The following TTC39B variants were observed in gnomAD, a reference collection of about 807,000 sequenced individuals.
TTC39B encodes tetratricopeptide repeat protein 39B.
TTC39B carries 92 observed loss-of-function variants against 96.6 expected under a neutral mutation model. The ratio of observed to expected loss-of-function variants is 0.95; its 90% confidence interval spans 0.80 to 1.13. The LOEUF is 1.13. Among genes scored for constraint, TTC39B ranks in the 50% most tolerant of loss-of-function variants. TTC39B has a pLI of 0.00. For synonymous variants in TTC39B, 367 were observed against 299.4 expected, an observed-to-expected ratio of 1.23 and a Z score of -2.33; for missense variants, 955 against 809.3, an observed-to-expected ratio of 1.18 and a Z score of -2.18.
intron 14 of TTC39B, among the ~76,000 whole-genome samples, chr9:15,187,531 C>T (rs1443619936): frequency 6.6e-6 from 1 of 151,574 alleles, no homozygotes; most frequent in Non-Finnish European, 1.5e-5. Flanking sequence ...GTGATCATAG[C>T]TCACTGTAGC....
chr9:15,188,220 A>C (rs1371699439), intron 13 of TTC39B, 88 bp from the exon 14 acceptor site: 5 of 1,335,720 alleles, frequency 3.7e-6, no homozygotes, highest in Non-Finnish European at 5.1e-6. Context: ...CACTTAGTAC[A>C]AAAAGGACAA....
chr9:15,170,856 G>A (rs953920035), exon 20 of TTC39B: 1 of 152,188 alleles, frequency 6.6e-6, no homozygotes, highest in Non-Finnish European at 1.5e-5. Context: ...GTTTGCATTC[G>A]ACATTTTAAA....
chr9:15,173,980 T>C (rs1817795072), intron 19 of TTC39B, among the ~76,000 whole-genome samples: 1 of 152,172 alleles, frequency 6.6e-6, no homozygotes, highest in African/African-American at 2.4e-5. Context: ...TCACTAACTG[T>C]GACTTCTGTC....
intron 1 of TTC39B, among the ~76,000 whole-genome samples, chr9:15,269,585 G>A (rs981886565): frequency 6.6e-6 from 1 of 152,200 alleles, no homozygotes; most frequent in Non-Finnish European, 1.5e-5. Context: ...CAGGCGCAGT[G>A]GCTCATGCCT....
At chr9:15,288,702 C>A (rs1444781589) in intron 1 of TTC39B, among the ~76,000 whole-genome samples, 1 of 152,358 alleles carries the variant, frequency 6.6e-6, no homozygotes, top group African/African-American at 2.4e-5. Context: ...AAGCCATCCA[C>A]GGATGGCAAG....
intron 17 of TTC39B, among the ~76,000 whole-genome samples, chr9:15,181,268 A>G (rs202230882): frequency 1.3e-5 from 2 of 152,188 alleles, no homozygotes; most frequent in East Asian, 3.8e-4. Context: ...TACCATGTTT[A>G]GCATCACAGA....
chr9:15,232,296 C>G (rs778077067), intron 2 of TTC39B: 2 of 152,604 alleles, frequency 1.3e-5, no homozygotes, highest in Non-Finnish European at 1.5e-5. Flanking sequence ...GCCTTAGAAG[C>G]GAACCCAAAA....
At chr9:15,221,447 G>T (rs79350955) in intron 3 of TTC39B, among the ~76,000 whole-genome samples, 7,777 of 152,156 alleles carry the variant, frequency 0.051, 240 homozygotes, top group South Asian at 0.07. Context: ...TTGCTCCCAT[G>T]TTCTTTCGAC....
intron 1 of TTC39B, among the ~76,000 whole-genome samples, chr9:15,292,841 G>A (rs1824238076): frequency 6.6e-6 from 1 of 152,204 alleles, no homozygotes; most frequent in Admixed American, 6.5e-5. Context: ...TATTGTAAAA[G>A]TGCCAAAAAG....
intron 1 of TTC39B, among the ~76,000 whole-genome samples, chr9:15,294,931 T>C (rs1824317549): frequency 6.6e-6 from 1 of 152,160 alleles, no homozygotes; most frequent in Non-Finnish European, 1.5e-5. Flanking sequence ...ATGGAATAGA[T>C]AGATTGAGTT....
At chr9:15,260,089 A>T (rs193201836) in intron 2 of TTC39B, among the ~76,000 whole-genome samples, 1 of 152,290 alleles carries the variant, frequency 6.6e-6, no homozygotes, top group Admixed American at 6.5e-5. Flanking sequence ...TATATGAGAT[A>T]TAAATTAATA....
chr9:15,253,614 G>A (rs948424928), intron 2 of TTC39B, among the ~76,000 whole-genome samples: 8 of 152,168 alleles, frequency 5.3e-5, no homozygotes, highest in Non-Finnish European at 1.2e-4. Context: ...GCAGCCTGAC[G>A]GACCTGTATT....
intron 17 of TTC39B, among the ~76,000 whole-genome samples, chr9:15,181,515 T>C (rs916586433): frequency 3.3e-5 from 5 of 152,204 alleles, no homozygotes; most frequent in Non-Finnish European, 7.3e-5. Flanking sequence ...CAGAGTCTGA[T>C]GGCAGAGCTG....
At chr9:15,258,110 G>A (rs1822821498) in intron 2 of TTC39B, among the ~76,000 whole-genome samples, 4 of 152,068 alleles carry the variant, frequency 2.6e-5, no homozygotes, top group African/African-American at 9.7e-5. Context: ...GAGTAAGTGG[G>A]GTGCAGTTGG....
At chr9:15,237,603 A>C in intron 2 of TTC39B, among the ~76,000 whole-genome samples, 1 of 151,924 alleles carries the variant, frequency 6.6e-6, no homozygotes, top group Non-Finnish European at 1.5e-5. Flanking sequence ...AATCCCAAGC[A>C]GACCAATAAT....
intron 17 of TTC39B, 108 bp from the exon 18 acceptor site, chr9:15,177,922 T>A: frequency 1.6e-6 from 1 of 623,922 alleles, no homozygotes; most frequent in South Asian, 2.1e-5. Flanking sequence ...CAGGCTGGAG[T>A]GCAGTGGCGC....
intron 9 of TTC39B, among the ~76,000 whole-genome samples, chr9:15,191,929 T>C (rs1173117246): frequency 6.6e-6 from 1 of 152,198 alleles, no homozygotes; most frequent in Non-Finnish European, 1.5e-5. Context: ...GTAAAGATAT[T>C]TGTGTCCCAT....
intron 8 of TTC39B, among the ~76,000 whole-genome samples, chr9:15,198,886 A>AGT (rs1489701487): frequency 2.0e-5 from 3 of 152,240 alleles, no homozygotes; most frequent in Non-Finnish European, 4.4e-5. Flanking sequence ...AAAAAGCATG[A>AGT]GTGCCTATAT....
At chr9:15,289,091 C>A (rs576549693) in intron 1 of TTC39B, among the ~76,000 whole-genome samples, 1 of 152,318 alleles carries the variant, frequency 6.6e-6, no homozygotes, top group African/African-American at 2.4e-5. Context: ...TACATTATAT[C>A]ATTTAGCCCC....
Sources: allele counts gnomAD v4.1 joint callset (sites outside exome capture counted in the v4.1 genomes callset), GRCh38; gene constraint gnomAD v4.1.1; transcripts MANE v1.5; gene names NCBI Gene and HGNC (gene_info 2026-07-23, HGNC 2026-07-21).